EYS: variants seen among roughly 807,000 people sequenced by gnomAD.
EYS encodes EGF-like photoreceptor maintenance factor.
EYS carries 250 observed loss-of-function variants against 282.1 expected under a neutral mutation model. The ratio of observed to expected loss-of-function variants is 0.89; its 90% CI spans 0.80 to 0.98. The LOEUF is 0.98. Among genes scored for constraint, EYS ranks in the 50% least tolerant of loss-of-function variants. The pLI is 0.00. For missense variants in EYS, 4,016 were observed against 3,709.0 expected (o/e 1.08, Z -2.15); for synonymous variants, 1,355 against 1,282.9 (o/e 1.06, Z -1.20).
chr6:63,956,851 A>G (rs1765847208), intron 35 of EYS, among the ~76,000 whole-genome samples: 1 of 152,178 alleles, frequency 6.6e-6, no homozygotes, highest in Non-Finnish European at 1.5e-5. Flanking sequence ...AGTGTGACTA[A>G]AATTTTTTTT....
chr6:64,658,883 T>C (rs144867071), intron 22 of EYS, among the ~76,000 whole-genome samples: 18,878 of 152,190 alleles, frequency 0.12, 1,448 homozygotes, highest in Non-Finnish European at 0.18. Context: ...CTGCACCAAG[T>C]GGACCTAATA....
chr6:64,475,723 T>A (rs1237890845), intron 26 of EYS, among the ~76,000 whole-genome samples: 1 of 103,704 alleles, frequency 9.6e-6, no homozygotes, highest in African/African-American at 3.8e-5. Flanking sequence ...CTTCCTCTTT[T>A]TTAAAATGGT....
At chr6:65,331,794 G>A (rs932735284) in intron 11 of EYS, 1 of 839,974 alleles carries the variant, frequency 1.2e-6, no homozygotes, top group Non-Finnish European at 1.4e-6. Context: ...TTATCAAAAT[G>A]TTTTCAATGT....
chr6:64,622,640 T>A (rs1004021400), intron 23 of EYS, among the ~76,000 whole-genome samples: 3 of 152,128 alleles, frequency 2.0e-5, no homozygotes, highest in African/African-American at 7.2e-5. Flanking sequence ...GGAGTTGTTG[T>A]TAGATAAAGA....
At chr6:65,629,840 C>T (rs1654954496) in intron 2 of EYS, among the ~76,000 whole-genome samples, 1 of 152,060 alleles carries the variant, frequency 6.6e-6, no homozygotes, top group Non-Finnish European at 1.5e-5. Context: ...AAGTCATCCA[C>T]CTCTCTGGAA....
intron 31 of EYS, among the ~76,000 whole-genome samples, chr6:64,116,610 A>G (rs1773394145): frequency 6.6e-6 from 1 of 152,178 alleles, no homozygotes; most frequent in Non-Finnish European, 1.5e-5. Flanking sequence ...TAAGAAGAAA[A>G]CACTCAAATA....
intron 7 of EYS, among the ~76,000 whole-genome samples, chr6:65,388,627 G>T (rs1765887858): frequency 1.3e-5 from 2 of 152,032 alleles, no homozygotes; most frequent in African/African-American, 4.8e-5. Flanking sequence ...AGACCAAAGT[G>T]GTGACTTAGT....
At chr6:65,542,516 T>C (rs1042111743) in intron 2 of EYS, among the ~76,000 whole-genome samples, 6 of 150,570 alleles carry the variant, frequency 4.0e-5, no homozygotes, top group African/African-American at 1.5e-4. Context: ...TGTGTTATGT[T>C]TGGAAACACT....
chr6:64,679,334 T>C (rs1769817826), intron 22 of EYS, among the ~76,000 whole-genome samples: 1 of 152,208 alleles, frequency 6.6e-6, no homozygotes, highest in African/African-American at 2.4e-5. Flanking sequence ...TGGATATATA[T>C]AGCCTAAGGA....
intron 12 of EYS, among the ~76,000 whole-genome samples, chr6:65,193,962 G>A (rs1416754402): frequency 6.6e-6 from 1 of 151,910 alleles, no homozygotes; most frequent in East Asian, 2.0e-4. Context: ...TCAATTAAAG[G>A]TTGGTTTGGG....
chr6:65,398,652 G>A (rs184737351), intron 7 of EYS, among the ~76,000 whole-genome samples: 103 of 152,120 alleles, frequency 6.8e-4, no homozygotes, highest in Middle Eastern at 3.4e-3. Context: ...TTTCTGCACA[G>A]CAAGTTTCCT....
intron 36 of EYS, among the ~76,000 whole-genome samples, chr6:63,852,212 A>T (rs1232226221): frequency 6.6e-6 from 1 of 151,000 alleles, no homozygotes; most frequent in Non-Finnish European, 1.5e-5. Flanking sequence ...GGTTTTTTGA[A>T]AATATTAACA....
chr6:64,632,662 CT>C (rs1294069031), intron 22 of EYS, among the ~76,000 whole-genome samples: 2 of 2,876 alleles, frequency 7.0e-4, no homozygotes, highest in African/African-American at 1.1e-3. Flanking sequence ...GACATATTTT[CT>C]TTTTTAAAAT....
At chr6:64,523,586 G>T (rs1777825128) in intron 26 of EYS, among the ~76,000 whole-genome samples, 1 of 151,748 alleles carries the variant, frequency 6.6e-6, no homozygotes, top group African/African-American at 2.4e-5. Flanking sequence ...TGGTTCCAAG[G>T]TTTTAGCAAG....
intron 22 of EYS, among the ~76,000 whole-genome samples, chr6:64,686,857 G>GTATATA (rs1182157154): frequency 0.017 from 360 of 21,540 alleles, 124 homozygotes; most frequent in Non-Finnish European, 0.042. Flanking sequence ...ATATATATGT[G>GTATATA]TATATATATA....
intron 8 of EYS, among the ~76,000 whole-genome samples, chr6:65,374,401 C>T (rs531186980): frequency 6.9e-4 from 105 of 152,170 alleles, no homozygotes; most frequent in African/African-American, 2.3e-3. Flanking sequence ...TTTTGCAATC[C>T]GCAGACCAGG....
intron 22 of EYS, among the ~76,000 whole-genome samples, chr6:64,811,841 T>C (rs1477523585): frequency 6.6e-6 from 1 of 152,148 alleles, no homozygotes; most frequent in Non-Finnish European, 1.5e-5. Context: ...TTTTCTAGTC[T>C]CTGTTATTCT....
At chr6:64,818,493 T>A (rs1348908928) in intron 21 of EYS, among the ~76,000 whole-genome samples, 5 of 152,126 alleles carry the variant, frequency 3.3e-5, no homozygotes, top group African/African-American at 9.7e-5. Context: ...ATAGGCCGTC[T>A]GCAAGGTGAG....
chr6:64,853,582 T>C (rs1474367046), intron 19 of EYS, among the ~76,000 whole-genome samples: 1 of 152,140 alleles, frequency 6.6e-6, no homozygotes, highest in African/African-American at 2.4e-5. Context: ...GCAAGAAAAA[T>C]GCTAAGGGTT....
Sources: gnomAD v4.1 joint callset for allele counts (sites outside exome capture counted in the v4.1 genomes callset) on GRCh38, gnomAD v4.1.1 for gene constraint, MANE v1.5 for transcripts, NCBI Gene and HGNC (gene_info 2026-07-23, HGNC 2026-07-21) for gene names.